The following AHRR variants were observed in gnomAD, a reference collection of about 807,000 sequenced individuals.
The protein encoded by AHRR is aryl hydrocarbon receptor repressor.
A neutral mutation model predicts 44.0 loss-of-function variants in AHRR; 28 were observed. The observed-to-expected ratio is 0.64, with a 90% CI of 0.47 to 0.87. AHRR has a LOEUF of 0.87. AHRR is among the 40% of genes least tolerant of loss of function. AHRR has a pLI of 0.00. For synonymous variants in AHRR, 434 were observed against 407.0 expected, an observed-to-expected ratio of 1.07 and a Z score of -0.80; for missense variants, 990 against 953.9, an observed-to-expected ratio of 1.04 and a Z score of -0.50.
At chr5:376,551 A>AAGT in intron 3 of AHRR, 59 bp from the exon 4 acceptor site, 1 of 1,401,308 alleles carries the variant, frequency 7.1e-7, no homozygotes, top group Non-Finnish European at 9.6e-7. Flanking sequence ...GATGTGAATG[A>AAGT]AGAAGAGTGG....
chr5:373,946 C>A (rs1743676545), intron 3 of AHRR, among the ~76,000 whole-genome samples: 1 of 151,244 alleles, frequency 6.6e-6, no homozygotes, highest in Non-Finnish European at 1.5e-5. Flanking sequence ...AGTGGGCGGG[C>A]GCCCGCGGGG....
In AHRR at chr5:432,730, T is replaced by C. The variant is rs931079033; in HGVS notation, c.971-76T>C. On this transcript the variant is annotated intron_variant, in intron 9 of 10. Coordinates refer to ENST00000684583, the MANE Select transcript of AHRR (RefSeq NM_001377236.1). ...GAGGAGCCGATGGGTCCTGCCTTGCTGAGAACAAGCAACCGTCTTCCAGGA... is the reference window on the plus strand; with the variant it reads ...GAGGAGCCGATGGGTCCTGCCTTGCCGAGAACAAGCAACCGTCTTCCAGGA... 5.6e-6 allele frequency: 9 copies of C among 1,611,096 alleles called. No homozygotes were observed. The African/African-American group carries it at 1.1e-4, about 19-fold the overall frequency.
chr5:370,907 G>A lies in AHRR; in HGVS notation c.245-5703G>A, dbSNP rs1743558986. Among the ~76,000 whole-genome samples, 2 of 152,182 alleles carry A rather than the reference G, an allele frequency of 1.3e-5. No homozygotes were observed. The highest frequency in any genetic ancestry group is 2.1e-4 in the South Asian group (1 of 4,816). On this transcript the variant is annotated intron_variant, in intron 3 of 10. Coordinates refer to ENST00000684583, the MANE Select transcript of AHRR (RefSeq NM_001377236.1). This position sits in a 1 kb window ranked among gnomAD's most constrained non-coding sequence, Gnocchi z 4.5. ...TGGTGTGGAGCTCTCGGCCGACCTCGGGCCGGGCTTTACAGGGCATGTCAG... is the reference window on the plus strand; with the variant it reads ...TGGTGTGGAGCTCTCGGCCGACCTCAGGCCGGGCTTTACAGGGCATGTCAG...
intron 7 of AHRR, among the ~76,000 whole-genome samples, chr5:427,470 G>A (rs1282108203): frequency 6.6e-6 from 1 of 152,254 alleles, no homozygotes; most frequent in African/African-American, 2.4e-5. Flanking sequence ...CTGTGGGCAG[G>A]TGGCAGGTCC....
chr5:424,927 C>T lies in AHRR; in HGVS notation c.708+950C>T, dbSNP rs547095987. ...CTGCCCACCTTGCAGACCCTCCAGG[C>T]ACTGTGGTCCCCCTGGCCACAGCAC... On this transcript the variant is annotated intron_variant, in intron 7 of 10. Coordinates refer to ENST00000684583, the MANE Select transcript of AHRR (RefSeq NM_001377236.1). Among the ~76,000 whole-genome samples the T allele has an allele frequency of 9.8e-5, 15 of 152,372 alleles. No homozygotes were observed. The East Asian group carries it at 1.2e-3, about 12-fold the overall frequency.
rs139310963 is a variant in AHRR at position 409,512 on chromosome 5, T to C, written c.352-3832T>C. Among the ~76,000 whole-genome samples the C allele has an allele frequency of 1.3e-3, 199 of 152,260 alleles. 11 individuals are homozygous for C. In the East Asian group the frequency reaches 0.021, roughly 16 times the overall value. On this transcript the variant is annotated intron_variant, in intron 4 of 10. Transcript: ENST00000684583. ...CTTTCTGACAGCGGCCACCCTGGAG[T>C]GTGGAGCAGCAGCTCTGTGAGGTTT... is the stretch of plus-strand genomic sequence containing the variant.
chr5:359,952 A>T (rs1044118542), intron 3 of AHRR, among the ~76,000 whole-genome samples: 3 of 152,364 alleles, frequency 2.0e-5, no homozygotes, highest in African/African-American at 4.8e-5. Context: ...AAGGTAAATC[A>T]TGCTGATTTT....
intron 3 of AHRR, among the ~76,000 whole-genome samples, chr5:368,432 C>A (rs1205506158): frequency 7.9e-6 from 1 of 125,996 alleles, no homozygotes; most frequent in African/African-American, 5.7e-5. Context: ...ACAGCACCAG[C>A]ACAGTGTTTT....
At chr5:339,826 T>G (rs973870912) in intron 1 of AHRR, among the ~76,000 whole-genome samples, 94 of 152,362 alleles carry the variant, frequency 6.2e-4, no homozygotes, top group African/African-American at 2.2e-3. Context: ...TTTTAGTTTA[T>G]TATTATAGTG....
At position 405,871 on chromosome 5, in the gene AHRR, C is replaced by T. The variant is rs770402426; in HGVS notation, c.352-7473C>T. On this transcript the variant is annotated intron_variant, in intron 4 of 10. Coordinates refer to ENST00000684583, the MANE Select transcript of AHRR (RefSeq NM_001377236.1). This position sits in a 1 kb window ranked among gnomAD's most constrained non-coding sequence, Gnocchi z 4.5. Reference sequence around the variant, plus strand: ...TGGCTTTGCAGCCTAGCAAGGCTCTCGGTCTGAGGCTGCGTCCTTCTGGTG... The same window carrying T: ...TGGCTTTGCAGCCTAGCAAGGCTCTTGGTCTGAGGCTGCGTCCTTCTGGTG... Among the ~76,000 whole-genome samples the T allele has an allele frequency of 1.3e-5, 2 of 152,180 alleles. No homozygotes were observed. Among genetic ancestry groups the T allele is most frequent in the African/African-American group, 2.4e-5 (1 of 41,440 alleles).
At position 411,989 on chromosome 5, in the gene AHRR, G is replaced by T. The variant is rs1254185143; in HGVS notation, c.352-1355G>T. Among the ~76,000 whole-genome samples the T allele has an allele frequency of 2.6e-5, 4 of 152,194 alleles. No individual in the cohort carries two copies. Among genetic ancestry groups the T allele is most frequent in the African/African-American group, 7.2e-5 (3 of 41,448 alleles). The stretch of plus-strand genomic sequence containing the variant: ...CAGATCCTGCGACTCAGAGGCCACC[G>T]TCTTTCGCGCATCCTCACCGGTGAT... On this transcript the variant is annotated intron_variant, in intron 4 of 10. Transcript: ENST00000684583. The surrounding 1 kb of genome is among the most constrained non-coding windows in gnomAD (Gnocchi z 4.2).
chr5:353,671 CCA>C, intron 2 of AHRR, 57 bp from the exon 3 acceptor site: 1 of 1,529,992 alleles, frequency 6.5e-7, no homozygotes, highest in South Asian at 1.2e-5. Flanking sequence ...GGTTTCCGCC[CCA>C]GGGGGCCTGT....
chr5:391,369 TGCATGGGCGCAGGGCGAGGAGGGC>T (rs1734426110), intron 4 of AHRR, among the ~76,000 whole-genome samples: 4 of 104,008 alleles, frequency 3.8e-5, no homozygotes, highest in African/African-American at 2.3e-4. Flanking sequence ...GGCCAGAGCG[TGCATGGGCGCAGGGCGAGGAGGGC>T]GCAGGGCGAG....
chr5:365,190 C>T (rs1410165726), intron 3 of AHRR, among the ~76,000 whole-genome samples: 1 of 151,582 alleles, frequency 6.6e-6, no homozygotes, highest in Non-Finnish European at 1.5e-5. Flanking sequence ...CCCCAAACTA[C>T]AGAATTCACG....
chr5:425,636 T>G (rs1256034451), intron 7 of AHRR, among the ~76,000 whole-genome samples: 1 of 152,252 alleles, frequency 6.6e-6, no homozygotes, highest in Non-Finnish European at 1.5e-5. Flanking sequence ...AAACTCTTAT[T>G]TCTAGGTGAC....
chr5:339,309 T>C (rs1211971262), intron 1 of AHRR, among the ~76,000 whole-genome samples: 1 of 151,982 alleles, frequency 6.6e-6, no homozygotes, highest in Admixed American at 6.6e-5. Context: ...TTTGTAGAGA[T>C]AGGGTCTTGC....
chr5:339,510 T>C (rs1332356025), intron 1 of AHRR, among the ~76,000 whole-genome samples: 1 of 152,228 alleles, frequency 6.6e-6, no homozygotes, highest in Non-Finnish European at 1.5e-5. Context: ...CTTTTATTTA[T>C]TTCCCAGTTT....
At position 434,718 on chromosome 5, in the gene AHRR, T is replaced by C; in HGVS notation, c.1978T>C (p.Leu660=). The C allele has an allele frequency of 1.3e-6, 2 of 1,573,842 alleles. No individual in the cohort carries two copies. The highest frequency in any genetic ancestry group is 1.2e-5 in the South Asian group (1 of 85,852). Residue 660 remains leucine (L), a synonymous_variant, in exon 11 of 11, where the codon TTG becomes CTG. Coordinates refer to ENST00000684583, the MANE Select transcript of AHRR (RefSeq NM_001377236.1). The part of the protein sequence containing the change: ...EAAPVVKREP[L]DSPQWATHSQ... Reference sequence around the variant, plus strand: ...CGCCCCTGTGGTCAAGCGGGAGCCCTTGGACTCACCCCAGTGGGCTACTCA... The same window carrying C: ...CGCCCCTGTGGTCAAGCGGGAGCCCCTGGACTCACCCCAGTGGGCTACTCA...
chr5:415,406 C>CG (rs1560915894), intron 5 of AHRR, among the ~76,000 whole-genome samples: 1 of 73,760 alleles, frequency 1.4e-5, no homozygotes, highest in Non-Finnish European at 3.0e-5. Flanking sequence ...TCTGCCTGGT[C>CG]GGGTGGGAGG....
Sources: allele counts gnomAD v4.1 joint callset (sites outside exome capture counted in the v4.1 genomes callset), GRCh38; gene constraint gnomAD v4.1.1; non-coding constraint Gnocchi (gnomAD v3.1); transcripts MANE v1.5; gene names NCBI Gene and HGNC (gene_info 2026-07-23, HGNC 2026-07-21).